The following EXOC6B variants were observed in gnomAD, a reference collection of about 807,000 sequenced individuals.
EXOC6B encodes the protein exocyst complex component 6B, also known as SEC15 homolog B.
A neutral mutation model predicts 113.5 loss-of-function variants in EXOC6B; 54 were observed. That is an observed-to-expected ratio of 0.48 (90% CI 0.38 to 0.60). The LOEUF is 0.60. EXOC6B is among the 20% of genes least tolerant of loss of function. The pLI, the probability that EXOC6B is intolerant of heterozygous loss-of-function variation, is 0.00. For synonymous variants in EXOC6B, 357 were observed against 339.0 expected (o/e 1.05, Z -0.58); for missense variants, 797 against 977.5 (o/e 0.82, Z 2.46).
chr2:72,497,816 G>A (rs560871829), intron 13 of EXOC6B, among the ~76,000 whole-genome samples: 1 of 152,262 alleles, frequency 6.6e-6, no homozygotes, highest in South Asian at 2.1e-4. Context: ...TATAAAAAGA[G>A]AAGAAAGTCA....
chr2:72,480,427 A>G (rs1010058666), intron 17 of EXOC6B, among the ~76,000 whole-genome samples, 189 bp downstream of exon 17: 1 of 152,194 alleles, frequency 6.6e-6, no homozygotes, highest in Admixed American at 6.5e-5. Flanking sequence ...CGTTTTGTTT[A>G]AACACCCAAA....
intron 1 of EXOC6B, among the ~76,000 whole-genome samples, chr2:72,823,460 A>AC (rs1686696306): frequency 1.0e-5 from 1 of 97,906 alleles, no homozygotes; most frequent in Non-Finnish European, 2.0e-5. Flanking sequence ...AAGTTTTAAG[A>AC]AAAAAAAAAA....
At chr2:72,391,505 C>T (rs886699572) in intron 18 of EXOC6B, among the ~76,000 whole-genome samples, 21 of 152,086 alleles carry the variant, frequency 1.4e-4, no homozygotes, top group Non-Finnish European at 3.1e-4. Flanking sequence ...CATTATGTGC[C>T]TAGGTATAGT....
At chr2:72,336,979 C>T (rs1463050351) in intron 19 of EXOC6B, among the ~76,000 whole-genome samples, 1 of 150,226 alleles carries the variant, frequency 6.7e-6, no homozygotes, top group Non-Finnish European at 1.5e-5. Context: ...TGCACTCCAG[C>T]CTGGGCAACA....
At chr2:72,641,141 C>T (rs1039629915) in intron 6 of EXOC6B, among the ~76,000 whole-genome samples, 13 of 152,212 alleles carry the variant, frequency 8.5e-5, no homozygotes, top group Non-Finnish European at 1.5e-5. Context: ...CAGCTCCGAG[C>T]GTGATCAACA....
intron 20 of EXOC6B, among the ~76,000 whole-genome samples, chr2:72,264,396 C>A (rs1683919461): frequency 6.6e-6 from 1 of 152,050 alleles, no homozygotes; most frequent in Admixed American, 6.6e-5. Flanking sequence ...CATGGTGAAA[C>A]CCCGTCTCTA....
chr2:72,693,384 AAGG>A (rs1677642059), intron 6 of EXOC6B, among the ~76,000 whole-genome samples: 4 of 152,056 alleles, frequency 2.6e-5, no homozygotes, highest in African/African-American at 9.7e-5. Flanking sequence ...AATTTTTTAA[AAGG>A]AGTTCATAAA....
chr2:72,798,317 G>T (rs1573814478), intron 1 of EXOC6B, among the ~76,000 whole-genome samples: 1 of 151,512 alleles, frequency 6.6e-6, no homozygotes, highest in African/African-American at 2.4e-5. Flanking sequence ...CAATTCTTAA[G>T]CTACATTTAT....
intron 1 of EXOC6B, chr2:72,760,593 C>T: frequency 6.2e-6 from 1 of 162,128 alleles, no homozygotes; most frequent in Non-Finnish European, 1.4e-5. Flanking sequence ...GTTAATTTAA[C>T]ACTGAAGAAG....
chr2:72,487,752 C>T (rs1048536143), intron 16 of EXOC6B, among the ~76,000 whole-genome samples: 7 of 152,164 alleles, frequency 4.6e-5, no homozygotes, highest in Non-Finnish European at 7.3e-5. Flanking sequence ...TTAGACTGGG[C>T]TCATGGGTTT....
At chr2:72,217,404 A>G (rs1442646374) in intron 20 of EXOC6B, among the ~76,000 whole-genome samples, 1 of 152,204 alleles carries the variant, frequency 6.6e-6, no homozygotes, top group Non-Finnish European at 1.5e-5. Flanking sequence ...GCACAGAATC[A>G]GGGTATTAAC....
In EXOC6B at chr2:72,731,222, C is replaced by T. The variant is rs760475423; in HGVS notation, c.351G>A (p.Leu117=). Residue 117 remains leucine (L), a synonymous_variant, in exon 4 of 22, where the codon CTG becomes CTA. Coordinates refer to ENST00000272427, the MANE Select transcript of EXOC6B (RefSeq NM_015189.3). ...TTCTCTGTTGTAGTCGACACTGCTT[C>T]AGCTCTTCCATTGCTATTACCAGCT... The part of the protein sequence containing the change: ...GKELVIAMEE[L]KQCRLQQRNI... 64 of 1,613,130 alleles carry T rather than the reference C, an allele frequency of 4.0e-5. No individual in the cohort carries two copies. The highest frequency in any genetic ancestry group is 2.5e-6 in the Non-Finnish European group (3 of 1,179,578).
chr2:72,193,712 T>G (rs568637012), intron 20 of EXOC6B, among the ~76,000 whole-genome samples: 1 of 152,046 alleles, frequency 6.6e-6, no homozygotes, highest in Non-Finnish European at 1.5e-5. Flanking sequence ...GGGGTGGGGG[T>G]GTCAAGCAAG....
At chr2:72,401,023 A>G (rs1458888337) in intron 18 of EXOC6B, among the ~76,000 whole-genome samples, 3 of 152,068 alleles carry the variant, frequency 2.0e-5, no homozygotes, top group Non-Finnish European at 2.9e-5. Flanking sequence ...CATAATAGCA[A>G]AGATAAGGAA....
chr2:72,240,885 A>G (rs1407828643), intron 20 of EXOC6B, among the ~76,000 whole-genome samples: 1 of 152,210 alleles, frequency 6.6e-6, no homozygotes, highest in Non-Finnish European at 1.5e-5. Context: ...CACATCAGAG[A>G]TTAGAGTCAC....
intron 20 of EXOC6B, among the ~76,000 whole-genome samples, chr2:72,187,270 C>T (rs752639123): frequency 6.6e-6 from 1 of 152,002 alleles, no homozygotes; most frequent in African/African-American, 2.4e-5. Flanking sequence ...CAGGTCTGGG[C>T]TCTACAAAGG....
intron 6 of EXOC6B, among the ~76,000 whole-genome samples, chr2:72,662,857 G>GC (rs1675121804): frequency 6.6e-6 from 1 of 151,974 alleles, no homozygotes; most frequent in South Asian, 2.1e-4. Flanking sequence ...TCCTGCCTCA[G>GC]CCTCCCAAGT....
At chr2:72,215,458 G>T (rs2104402999) in intron 20 of EXOC6B, among the ~76,000 whole-genome samples, 1 of 152,200 alleles carries the variant, frequency 6.6e-6, no homozygotes, top group African/African-American at 2.4e-5. Flanking sequence ...TTCCAAGAAA[G>T]AAATCGTTAT....
intron 6 of EXOC6B, among the ~76,000 whole-genome samples, chr2:72,638,819 T>G (rs1286101139): frequency 6.6e-6 from 1 of 152,172 alleles, no homozygotes; most frequent in Non-Finnish European, 1.5e-5. Context: ...AGGCTCAACG[T>G]GCTTCCATAG....
Sources: gnomAD v4.1 joint callset for allele counts (sites outside exome capture counted in the v4.1 genomes callset) on GRCh38, gnomAD v4.1.1 for gene constraint, MANE v1.5 for transcripts, NCBI Gene and HGNC (gene_info 2026-07-23, HGNC 2026-07-21) for gene names.